GRB10: variants seen among roughly 807,000 people sequenced by gnomAD.
The protein encoded by GRB10 is growth factor receptor-bound protein 10.
In GRB10, 20 loss-of-function variants were observed where a neutral mutation model predicts 80.9. The ratio of observed to expected loss-of-function variants is 0.25; its 90% confidence interval spans 0.17 to 0.36. The LOEUF is 0.36. Among genes scored for constraint, GRB10 ranks in the 10% least tolerant of loss-of-function variants. The pLI is 1.00. For synonymous variants in GRB10, 291 were observed against 291.5 expected (o/e 1.00, Z 0.02); for missense variants, 548 against 747.7 (o/e 0.73, Z 3.12).
At chr7:50,688,036 G>A (rs1586894039) in intron 5 of GRB10, among the ~76,000 whole-genome samples, 1 of 152,230 alleles carries the variant, frequency 6.6e-6, no homozygotes, top group East Asian at 1.9e-4. Flanking sequence ...AACAGTACAA[G>A]AATCTAGCAC....
intron 7 of GRB10, among the ~76,000 whole-genome samples, chr7:50,658,608 A>C (rs992357797): frequency 6.6e-5 from 10 of 152,312 alleles, no homozygotes; most frequent in Admixed American, 1.3e-4. Context: ...AGACGTATAT[A>C]ATTTAAGTGC....
At chr7:50,737,741 C>T (rs1469089154) in intron 3 of GRB10, among the ~76,000 whole-genome samples, 1 of 152,188 alleles carries the variant, frequency 6.6e-6, no homozygotes, top group Non-Finnish European at 1.5e-5. Context: ...CCCAGCTACT[C>T]AGGAGGCTGA....
chr7:50,710,744 A>T, intron 4 of GRB10: 1 of 955,530 alleles, frequency 1.0e-6, no homozygotes, highest in Non-Finnish European at 1.7e-6. Context: ...CCTTCGGGGT[A>T]TCTCCACACC....
chr7:50,780,926 G>C (rs993313099), intron 1 of GRB10, 190 bp from the exon 2 acceptor site: 1 of 152,146 alleles, frequency 6.6e-6, no homozygotes, highest in Admixed American at 6.5e-5. Context: ...GTGTTCTCTC[G>C]AAGTTTGGAA....
intron 4 of GRB10, among the ~76,000 whole-genome samples, chr7:50,718,752 C>T (rs751871862): frequency 2.0e-5 from 3 of 152,128 alleles, no homozygotes; most frequent in Admixed American, 6.5e-5. Context: ...TTGTAACCGT[C>T]GAAACCCTGA....
intron 2 of GRB10, among the ~76,000 whole-genome samples, chr7:50,771,691 C>T (rs901768035): frequency 2.0e-5 from 3 of 152,166 alleles, no homozygotes; most frequent in Non-Finnish European, 4.4e-5. Context: ...TTTGTTTAAA[C>T]TGGTAGAAGA....
chr7:50,698,306 T>C (rs1158011308), intron 5 of GRB10, among the ~76,000 whole-genome samples: 2 of 152,206 alleles, frequency 1.3e-5, no homozygotes, highest in Non-Finnish European at 2.9e-5. Context: ...AACGTCTACA[T>C]AGAAATATGT....
chr7:50,734,334 A>G (rs987250095), intron 3 of GRB10, among the ~76,000 whole-genome samples: 11 of 151,950 alleles, frequency 7.2e-5, no homozygotes, highest in African/African-American at 1.9e-4. Context: ...CTTCTCCCCT[A>G]ACTGCAAGGA....
chr7:50,658,924 C>T (rs552576669), intron 7 of GRB10, among the ~76,000 whole-genome samples: 1 of 152,332 alleles, frequency 6.6e-6, no homozygotes, highest in African/African-American at 2.4e-5. Flanking sequence ...TCTCAGACTG[C>T]AGGGGCTGCG....
intron 7 of GRB10, among the ~76,000 whole-genome samples, chr7:50,627,535 GA>G (rs2053159615): frequency 6.6e-6 from 1 of 152,142 alleles, no homozygotes; most frequent in Non-Finnish European, 1.5e-5. Flanking sequence ...TAATACAAAA[GA>G]AGGGCATAAT....
intron 7 of GRB10, among the ~76,000 whole-genome samples, chr7:50,633,751 G>T (rs1433782951): frequency 6.6e-6 from 1 of 151,828 alleles, no homozygotes; most frequent in Non-Finnish European, 1.5e-5. Flanking sequence ...TTCACTAAAG[G>T]AATTTCAAAA....
At chr7:50,666,230 G>T (rs889303665) in intron 7 of GRB10, among the ~76,000 whole-genome samples, 1 of 152,152 alleles carries the variant, frequency 6.6e-6, no homozygotes, top group African/African-American at 2.4e-5. Flanking sequence ...TGTCACCATC[G>T]TGCTAAGCTC....
At chr7:50,746,033 C>T (rs1193974250) in intron 3 of GRB10, among the ~76,000 whole-genome samples, 1 of 152,166 alleles carries the variant, frequency 6.6e-6, no homozygotes, top group Non-Finnish European at 1.5e-5. Flanking sequence ...GCTGTAAGGA[C>T]GCTGTCCTGG....
upstream of GRB10, among the ~76,000 whole-genome samples, chr7:50,786,438 G>A (rs74774496): frequency 0.029 from 4,444 of 152,128 alleles, 221 homozygotes; most frequent in African/African-American, 0.1. Flanking sequence ...AAGGAACTTC[G>A]GAACAAAGGC....
At chr7:50,596,929 C>T (rs765196801) in intron 17 of GRB10, among the ~76,000 whole-genome samples, 5 of 152,086 alleles carry the variant, frequency 3.3e-5, no homozygotes. Context: ...GATAGTTATA[C>T]ATCAGAAAGC....
intron 5 of GRB10, among the ~76,000 whole-genome samples, chr7:50,689,240 G>A (rs893417013): frequency 6.6e-6 from 1 of 152,206 alleles, no homozygotes; most frequent in Non-Finnish European, 1.5e-5. Flanking sequence ...GAGTCCCCAA[G>A]AGGAAGCACA....
intron 5 of GRB10, among the ~76,000 whole-genome samples, chr7:50,676,165 C>T (rs577124185): frequency 7.7e-4 from 117 of 152,262 alleles, no homozygotes; most frequent in African/African-American, 2.1e-3. Flanking sequence ...GCAAGACCCT[C>T]TTCCTACCAA....
intron 17 of GRB10, among the ~76,000 whole-genome samples, chr7:50,603,043 G>A (rs184955908): frequency 6.6e-6 from 1 of 152,322 alleles, no homozygotes; most frequent in Non-Finnish European, 1.5e-5. Context: ...ATGTAAATGT[G>A]AAAATTTCCG....
intron 3 of GRB10, among the ~76,000 whole-genome samples, chr7:50,734,272 C>G (rs1026181101): frequency 3.3e-5 from 5 of 152,092 alleles, no homozygotes; most frequent in Non-Finnish European, 5.9e-5. Flanking sequence ...CACTCTCTAC[C>G]TCACCCCACC....
Sources: allele counts gnomAD v4.1 joint callset (sites outside exome capture counted in the v4.1 genomes callset), GRCh38; gene constraint gnomAD v4.1.1; transcripts MANE v1.5; gene names NCBI Gene and HGNC (gene_info 2026-07-23, HGNC 2026-07-21).